TNRC18: variants seen among roughly 807,000 people sequenced by gnomAD.
The protein encoded by TNRC18 is trinucleotide repeat containing 18.
TNRC18 carries 69 observed loss-of-function variants against 226.7 expected under a neutral mutation model. The observed-to-expected ratio is 0.30, with a 90% CI of 0.25 to 0.37. The LOEUF is 0.37. Among genes scored for constraint, TNRC18 ranks in the 10% least tolerant of loss-of-function variants. The pLI is 1.00. For missense variants in TNRC18, 4,754 were observed against 4,256.6 expected, an observed-to-expected ratio of 1.12 and a Z score of -3.25; for synonymous variants, 2,449 against 1,927.6, an observed-to-expected ratio of 1.27 and a Z score of -7.09.
At chr7:5,351,518 G>A (rs1791812692) in intron 17 of TNRC18, among the ~76,000 whole-genome samples, 1 of 152,078 alleles carries the variant, frequency 6.6e-6, no homozygotes, top group African/African-American at 2.4e-5. Flanking sequence ...GAGGAGGGCA[G>A]GGAGGAGGGC....
chr7:5,420,655 G>C (rs1343274325), intron 2 of TNRC18: 1 of 469,998 alleles, frequency 2.1e-6, no homozygotes, highest in African/African-American at 2.0e-5. Context: ...AGCGCCAAAA[G>C]TAGCGTTTGC....
intron 27 of TNRC18, among the ~76,000 whole-genome samples, chr7:5,311,235 G>A (rs1787177038): frequency 6.6e-6 from 1 of 152,160 alleles, no homozygotes; most frequent in Non-Finnish European, 1.5e-5. Flanking sequence ...TGAGTGCACT[G>A]TGTGCAAGTG....
intron 19 of TNRC18, among the ~76,000 whole-genome samples, chr7:5,326,055 T>A (rs1198546802): frequency 2.6e-5 from 4 of 152,080 alleles, no homozygotes; most frequent in African/African-American, 9.7e-5. Flanking sequence ...ATATATTACT[T>A]GTTGCCCCGT....
At chr7:5,384,219 C>T (rs1231925121) in intron 5 of TNRC18, among the ~76,000 whole-genome samples, 1 of 152,172 alleles carries the variant, frequency 6.6e-6, no homozygotes, top group South Asian at 2.1e-4. Context: ...CCACCCGCCT[C>T]GGTCTCCCAA....
chr7:5,362,179 G>A, intron 12 of TNRC18, 146 bp from the exon 13 acceptor site: 2 of 996,164 alleles, frequency 2.0e-6, no homozygotes, highest in Non-Finnish European at 1.5e-6. Flanking sequence ...CCTGACTGTG[G>A]CCATGGCCTC....
At position 5,324,228 on chromosome 7, in the gene TNRC18, C is replaced by T. The variant is rs763391952; in HGVS notation, c.6428G>A (p.Arg2143Gln). 7.5e-6 allele frequency: 12 copies of T among 1,607,298 alleles called. No individual in the cohort carries two copies. The highest frequency in any genetic ancestry group is 3.4e-5 in the Admixed American group (2 of 59,460). Reference protein sequence around the residue: ...EHLPRGGAVERPLTPAPRSCI... With the variant: ...EHLPRGGAVEQPLTPAPRSCI... ...CGGCCACTCACCCGGGGTCAGCGGC[C>T]GCTCCACAGCCCCGCCACGCGGCAG... is the stretch of plus-strand genomic sequence containing the variant. Residue 2143 changes from arginine to glutamine, a missense_variant, in exon 21 of 30, where the codon CGG becomes CAG. Transcript: ENST00000430969. This position sits in a 1 kb window ranked among gnomAD's most constrained non-coding sequence, Gnocchi z 4.8.
At chr7:5,314,196 T>C (rs1222786439) in intron 26 of TNRC18, among the ~76,000 whole-genome samples, 1 of 151,846 alleles carries the variant, frequency 6.6e-6, no homozygotes, top group Non-Finnish European at 1.5e-5. Context: ...GGTCTTAAAC[T>C]CCTGGGCTCA....
rs763087040 is a variant in TNRC18 at position 5,388,207 on chromosome 7, G to T, written c.1617C>A (p.Ala539=). 1.3e-6 allele frequency: 2 copies of T among 1,597,468 alleles called. No homozygotes were observed. Among genetic ancestry groups the T allele is most frequent in the Non-Finnish European group, 1.7e-6 (2 of 1,173,362 alleles). ...QHHHSRAEEE[A]AVVAASSSKK... Reference sequence around the variant, plus strand: ...TGGAGGAGGAGGCAGCGACCACGGCGGCCTCCTCTTCGGCGCGGCTGTGGT... The same window carrying T: ...TGGAGGAGGAGGCAGCGACCACGGCTGCCTCCTCTTCGGCGCGGCTGTGGT... Residue 539 remains alanine (A), a synonymous_variant, in exon 5 of 30, where the codon GCC becomes GCA. Coordinates refer to ENST00000430969, the MANE Select transcript of TNRC18 (RefSeq NM_001080495.3).
chr7:5,352,916 C>T (rs574163587), intron 16 of TNRC18, among the ~76,000 whole-genome samples: 24 of 152,348 alleles, frequency 1.6e-4, no homozygotes, highest in Admixed American at 5.9e-4. Context: ...CCACTCCAGA[C>T]GGGGGGAACG....
At chr7:5,367,135 C>T (rs948980750) in intron 11 of TNRC18, among the ~76,000 whole-genome samples, 39 of 152,036 alleles carry the variant, frequency 2.6e-4, no homozygotes, top group Admixed American at 2.5e-3. Flanking sequence ...GAGGCTGAGG[C>T]GGGCGGATCA....
chr7:5,311,168 AT>A (rs1423552383), intron 27 of TNRC18, among the ~76,000 whole-genome samples: 1 of 151,762 alleles, frequency 6.6e-6, no homozygotes, highest in African/African-American at 2.4e-5. Flanking sequence ...CTGTATGTGC[AT>A]TCATGTGTAC....
Position 5,377,102 on chromosome 7 carries a change from T to G in TNRC18, c.2462-109A>C. 1 of 1,450,146 alleles carries G rather than the reference T, an allele frequency of 6.9e-7. No individual in the cohort carries two copies. Among genetic ancestry groups the G allele is most frequent in the Non-Finnish European group, 9.2e-7 (1 of 1,083,490 alleles). The allele number at this position is 1,450,146 out of a possible 1,614,324, so 89.8% of individuals were successfully genotyped here. On this transcript the variant is annotated intron_variant, in intron 7 of 29. Transcript: ENST00000430969. This position sits in a 1 kb window ranked among gnomAD's most constrained non-coding sequence, Gnocchi z 5.8. ...CCCAAGTCCTGAACCTCCTGGGGCC[T>G]CCAGTGGGGAAGCCAAGGGACAGGG...
chr7:5,363,265 C>T (rs1192469056), intron 11 of TNRC18, among the ~76,000 whole-genome samples: 3 of 150,070 alleles, frequency 2.0e-5, no homozygotes, highest in South Asian at 4.2e-4. Context: ...TTTGCACCAC[C>T]GCATGCCAGC....
chr7:5,374,526 T>G (rs781688246), intron 9 of TNRC18, 42 bp from the exon 10 acceptor site: 1 of 1,517,030 alleles, frequency 6.6e-7, no homozygotes, highest in South Asian at 1.2e-5. Flanking sequence ...GGCACGAGTT[T>G]CCCCCTCCCC....
At chr7:5,411,740 G>C (rs565375310) in intron 2 of TNRC18, among the ~76,000 whole-genome samples, 11 of 152,148 alleles carry the variant, frequency 7.2e-5, no homozygotes, top group African/African-American at 2.7e-4. Flanking sequence ...GAGAGGCAAA[G>C]GGAGTCTGAA....
In TNRC18 at chr7:5,380,431, G is replaced by GCCTTTTCCTGC. The variant is rs1452460508; in HGVS notation, c.2153-2408_2153-2407insGCAGGAAAAGG. 1.6e-4 allele frequency among the ~76,000 whole-genome samples: 25 copies of GCCTTTTCCTGC among 152,226 alleles called. 1 individual carries two copies. Among genetic ancestry groups the GCCTTTTCCTGC allele is most frequent in the Non-Finnish European group, 2.9e-5 (2 of 68,044 alleles). ...ACCATACTCCAGCCTAGGCCACAGA[G>GCCTTTTCCTGC]CATCTCCCTTTCCCTGCAGGAAGGT... On this transcript the variant is annotated intron_variant, in intron 5 of 29. Coordinates refer to ENST00000430969, the MANE Select transcript of TNRC18 (RefSeq NM_001080495.3).
chr7:5,400,779 C>G (rs1781031398), intron 2 of TNRC18, among the ~76,000 whole-genome samples: 1 of 152,112 alleles, frequency 6.6e-6, no homozygotes, highest in South Asian at 2.1e-4. Flanking sequence ...TGGCTCACAC[C>G]TTTAATCTCA....
chr7:5,363,902 G>GTCCC (rs1793345314), intron 11 of TNRC18, among the ~76,000 whole-genome samples: 1 of 151,906 alleles, frequency 6.6e-6, no homozygotes, highest in African/African-American at 2.4e-5. Flanking sequence ...CAACACACAG[G>GTCCC]TCCCTCCCTC....
chr7:5,339,541 A>G lies in TNRC18; in HGVS notation c.5719+6021T>C, dbSNP rs549635054. 1.2e-3 allele frequency among the ~76,000 whole-genome samples: 159 copies of G among 137,168 alleles called. 1 individual carries two copies. The highest frequency in any genetic ancestry group is 1.7e-3 in the African/African-American group (62 of 36,494). The allele number at this position is 137,168 out of a possible 152,430, so 90.0% of individuals were successfully genotyped here. On this transcript the variant is annotated intron_variant, in intron 18 of 29. Transcript: ENST00000430969. ...AGGCGCGAGCTATCGTGCCCAGCCA[A>G]TGTGTGTGTGTGTGTGTGTGTGTGT...
Sources: gnomAD v4.1 joint callset for allele counts (sites outside exome capture counted in the v4.1 genomes callset) on GRCh38, gnomAD v4.1.1 for gene constraint, Gnocchi (gnomAD v3.1) non-coding constraint, MANE v1.5 for transcripts, NCBI Gene and HGNC (gene_info 2026-07-23, HGNC 2026-07-21) for gene names.